The following CNTNAP5 variants were observed in gnomAD, a reference collection of about 807,000 sequenced individuals.
CNTNAP5 encodes the protein contactin associated protein family member 5.
Under a neutral mutation model 150.2 loss-of-function variants are expected in CNTNAP5, and 72 were observed. The observed-to-expected ratio is 0.48, with a 90% CI of 0.40 to 0.58. The LOEUF is 0.58. CNTNAP5 is among the 20% of genes least tolerant of loss of function. The pLI is 0.00. For synonymous variants in CNTNAP5, 672 were observed against 619.8 expected (o/e 1.08, Z -1.25); for missense variants, 1,636 against 1,626.2 (o/e 1.01, Z -0.10).
At chr2:124,898,803 T>C (rs1414403555) in intron 21 of CNTNAP5, among the ~76,000 whole-genome samples, 1 of 151,432 alleles carries the variant, frequency 6.6e-6, no homozygotes, top group East Asian at 1.9e-4. Context: ...TTGGAACTGA[T>C]GAATAGTAGG....
chr2:124,856,075 GGTGTGTGT>G (rs56676705), intron 19 of CNTNAP5, among the ~76,000 whole-genome samples: 10,940 of 144,262 alleles, frequency 0.076, 544 homozygotes, highest in African/African-American at 0.13. Flanking sequence ...AATAGTCCAT[GGTGTGTGT>G]GTGTGTGTGT....
At chr2:124,474,976 G>T in intron 7 of CNTNAP5, 94 bp downstream of exon 7, 1 of 1,061,724 alleles carries the variant, frequency 9.4e-7, no homozygotes, top group Non-Finnish European at 1.3e-6. Context: ...TTCGTAATGT[G>T]TTTATCTTAT....
rs759962104 is a variant in CNTNAP5 at position 124,114,545 on chromosome 2, T to C, written c.82+88813T>C. Among the ~76,000 whole-genome samples the C allele has an allele frequency of 2.2e-4, 34 of 151,942 alleles. No individual in the cohort carries two copies. In the South Asian group the frequency reaches 2.7e-3, roughly 12 times the overall value. Reference sequence around the variant, plus strand: ...AATTTTATCACATTTTTTGTGTATATAATCAAACCATCCATGATTAATGGC... The same window carrying C: ...AATTTTATCACATTTTTTGTGTATACAATCAAACCATCCATGATTAATGGC... On this transcript the variant is annotated intron_variant, in intron 1 of 23. Transcript: ENST00000682447.
At chr2:124,139,973 T>C (rs1047190441) in intron 1 of CNTNAP5, among the ~76,000 whole-genome samples, 21 of 152,186 alleles carry the variant, frequency 1.4e-4, no homozygotes, top group Admixed American at 1.0e-3. Context: ...ATTGCCTCAC[T>C]CGGGAAGCGC....
intron 21 of CNTNAP5, among the ~76,000 whole-genome samples, chr2:124,901,832 C>T (rs2104758574): frequency 6.6e-6 from 1 of 152,176 alleles, no homozygotes; most frequent in East Asian, 1.9e-4. Context: ...TTAGAAAAGG[C>T]ATTATTAAAG....
chr2:124,359,195 T>C (rs1282457793), intron 3 of CNTNAP5, among the ~76,000 whole-genome samples: 1 of 152,070 alleles, frequency 6.6e-6, no homozygotes, highest in Non-Finnish European at 1.5e-5. Flanking sequence ...CCTTCTCTCT[T>C]TTTTTCTTTA....
chr2:124,104,507 A>G (rs1683132479), intron 1 of CNTNAP5, among the ~76,000 whole-genome samples: 1 of 152,070 alleles, frequency 6.6e-6, no homozygotes, highest in Non-Finnish European at 1.5e-5. Flanking sequence ...CATTTTCCCC[A>G]TTTATGAAAA....
intron 19 of CNTNAP5, among the ~76,000 whole-genome samples, chr2:124,811,578 T>G (rs1295211756): frequency 6.6e-6 from 1 of 152,150 alleles, no homozygotes; most frequent in Non-Finnish European, 1.5e-5. Context: ...CCCTTTTTGA[T>G]GTTTTCAGTT....
chr2:124,374,446 C>T (rs1309212937), intron 3 of CNTNAP5, among the ~76,000 whole-genome samples: 1 of 152,106 alleles, frequency 6.6e-6, no homozygotes, highest in Non-Finnish European at 1.5e-5. Flanking sequence ...GCTCTCTAGA[C>T]TGTTACATCT....
At chr2:124,334,201 A>T (rs1393453905) in intron 3 of CNTNAP5, among the ~76,000 whole-genome samples, 1 of 152,122 alleles carries the variant, frequency 6.6e-6, no homozygotes, top group Non-Finnish European at 1.5e-5. Flanking sequence ...TGATGTTTTT[A>T]TGTAATAACC....
At chr2:124,537,219 A>G (rs915790530) in intron 10 of CNTNAP5, among the ~76,000 whole-genome samples, 9 of 152,168 alleles carry the variant, frequency 5.9e-5, no homozygotes, top group Non-Finnish European at 1.2e-4. Context: ...CATGGAGTCT[A>G]TTGGGAGAGA....
chr2:124,035,751 C>G (rs550366639), intron 1 of CNTNAP5, among the ~76,000 whole-genome samples: 2 of 152,106 alleles, frequency 1.3e-5, no homozygotes, highest in East Asian at 3.9e-4. Flanking sequence ...TTAGCTTAAC[C>G]CATAGCAGAG....
chr2:124,349,833 C>G (rs1283471383), intron 3 of CNTNAP5, among the ~76,000 whole-genome samples: 1 of 140,304 alleles, frequency 7.1e-6, no homozygotes, highest in Non-Finnish European at 1.5e-5. Context: ...GCTCATTCAT[C>G]TATTCCCTAG....
chr2:124,313,792 G>T (rs1573909815), intron 3 of CNTNAP5, among the ~76,000 whole-genome samples: 3 of 152,162 alleles, frequency 2.0e-5, no homozygotes, highest in Non-Finnish European at 4.4e-5. Context: ...CACAGGGCAG[G>T]CAGGGGGAGT....
At chr2:124,474,028 TAAC>T (rs2104832912) in intron 6 of CNTNAP5, among the ~76,000 whole-genome samples, 1 of 152,120 alleles carries the variant, frequency 6.6e-6, no homozygotes, top group South Asian at 2.1e-4. Flanking sequence ...AACCTAATAA[TAAC>T]AATTCAGTGT....
In CNTNAP5 at chr2:124,683,409, T is replaced by G. The variant is rs184567814; in HGVS notation, c.2077+35451T>G. ...AAACAGTTTTTATTTCAGTTTTTTT[T>G]GGGGAGAAAAGGTGGTATTTGGTTT... On this transcript the variant is annotated intron_variant, in intron 13 of 23. Transcript: ENST00000682447. 4.6e-4 allele frequency among the ~76,000 whole-genome samples: 70 copies of G among 152,284 alleles called. No homozygotes were observed. In the East Asian group the frequency reaches 7.1e-3, roughly 16 times the overall value.
intron 1 of CNTNAP5, among the ~76,000 whole-genome samples, chr2:124,148,775 A>G (rs1323919685): frequency 2.6e-5 from 1 of 39,174 alleles, no homozygotes; most frequent in Non-Finnish European, 6.4e-5. Flanking sequence ...GCGTGTGCAC[A>G]TATGTGTGTA....
At position 124,647,966 on chromosome 2, in the gene CNTNAP5, C is replaced by T. The variant is rs1205129095; in HGVS notation, c.2077+8C>T. On this transcript the variant is annotated splice_region_variant and intron_variant, in intron 13 of 23. Transcript: ENST00000682447. ...GCCTGCTCAACACGCCGGGTAAGGC[C>T]TCTGCATGCATGACCACAGTGGGAT... 6.3e-7 allele frequency: 1 copy of T among 1,586,814 alleles called. No individual in the cohort carries two copies. Among genetic ancestry groups the T allele is most frequent in the Non-Finnish European group, 8.6e-7 (1 of 1,166,784 alleles).
chr2:124,267,647 T>G (rs1573878905), intron 3 of CNTNAP5, among the ~76,000 whole-genome samples: 1 of 152,298 alleles, frequency 6.6e-6, no homozygotes, highest in South Asian at 2.1e-4. Flanking sequence ...GTATAAAATT[T>G]ATGTAGCTTT....
Sources: allele counts gnomAD v4.1 joint callset (sites outside exome capture counted in the v4.1 genomes callset), GRCh38; gene constraint gnomAD v4.1.1; transcripts MANE v1.5; gene names NCBI Gene and HGNC (gene_info 2026-07-23, HGNC 2026-07-21).